Variants in POMT1 observed in about 807,000 individuals in gnomAD.
The protein encoded by POMT1 is protein O-mannosyltransferase 1.
POMT1 carries 85 observed loss-of-function variants against 101.6 expected under a neutral mutation model. The ratio of observed to expected loss-of-function variants is 0.84; its 90% confidence interval spans 0.70 to 1.00. POMT1 has a LOEUF of 1.00. POMT1 is among the 50% of genes least tolerant of loss of function. POMT1 has a pLI of 0.00. For missense variants in POMT1, 857 were observed against 930.4 expected (o/e 0.92, Z 1.03); for synonymous variants, 371 against 383.0 (o/e 0.97, Z 0.37).
At chr9:131,510,225 C>T (rs551265521) in intron 8 of POMT1, 35 bp from the exon 9 acceptor site, 1 of 1,614,074 alleles carries the variant, frequency 6.2e-7, no homozygotes, top group African/African-American at 1.3e-5. Context: ...CTTTTCCACG[C>T]AGTGGAACAT....
chr9:131,503,027 G>T lies in POMT1; in HGVS notation c.-77G>T, dbSNP rs1944895362. On this transcript the variant is annotated 5_prime_UTR_variant, in exon 1 of 20. Transcript: ENST00000402686. This position sits in a 1 kb window ranked among gnomAD's most constrained non-coding sequence, Gnocchi z 4.4. The stretch of plus-strand genomic sequence containing the variant: ...CGGCCCAGTCGGACGGTTCCGAGGC[G>T]TTGCCGGGAGCCGGGCGCGGCTCTG... The T allele has an allele frequency of 6.6e-6, 1 of 152,322 alleles. No homozygotes were observed. The allele number at this position is 152,322 out of a possible 1,614,324, so 9.4% of individuals were successfully genotyped here. A position where few individuals can be genotyped will look rare whatever the true frequency, so the allele number is the denominator to read the frequency against.
Position 131,522,237 on chromosome 9 carries a change from C to T in POMT1, c.2003+13C>T, listed in dbSNP as rs4740165. The T allele has an allele frequency of 0.92, 1,486,775 of 1,612,548 alleles. 689,255 individuals carry two copies. Among genetic ancestry groups the T allele is most frequent in the South Asian group, 0.96 (87,606 of 91,082 alleles). ...ACCACCTGTGCAGGTACGGGGGCTG[C>T]GGAGACAGTGGCTGGACCGGGCAGC... is the stretch of plus-strand genomic sequence containing the variant. On this transcript the variant is annotated intron_variant, in intron 19 of 19. Transcript: ENST00000402686. This position sits in a 1 kb window ranked among gnomAD's most constrained non-coding sequence, Gnocchi z 5.5.
At chr9:131,506,330 T>C in intron 3 of POMT1, 73 bp from the exon 4 acceptor site, 1 of 1,556,848 alleles carries the variant, frequency 6.4e-7, no homozygotes, top group Admixed American at 1.7e-5. Flanking sequence ...TGATGCATCT[T>C]GTTTATTGCT....
chr9:131,510,973 G>GAGA, intron 9 of POMT1: 1 of 281,266 alleles, frequency 3.6e-6, no homozygotes, highest in Non-Finnish European at 6.8e-6. Flanking sequence ...GCCTGCCGAC[G>GAGA]GCCAGTGCTG....
chr9:131,508,204 T>G (rs1488924139), intron 5 of POMT1, among the ~76,000 whole-genome samples: 1 of 150,238 alleles, frequency 6.7e-6, no homozygotes, highest in Non-Finnish European at 1.5e-5. Flanking sequence ...GCCACTGCAC[T>G]CCAGCCTGGG....
intron 13 of POMT1, 94 bp from the exon 14 acceptor site, chr9:131,518,351 C>T (rs779090819): frequency 1.9e-6 from 2 of 1,072,164 alleles, no homozygotes; most frequent in Non-Finnish European, 2.9e-6. Flanking sequence ...GTCTCAGGCT[C>T]AAGTCAGTAT....
At chr9:131,515,566 A>C (rs1948131445) in intron 13 of POMT1, 44 bp downstream of exon 13, 1 of 1,568,346 alleles carries the variant, frequency 6.4e-7, no homozygotes. Flanking sequence ...GTCAGTAATG[A>C]ACACTCCCTC....
At chr9:131,520,451 A>G (rs1013837570) in intron 17 of POMT1, among the ~76,000 whole-genome samples, 1 of 152,180 alleles carries the variant, frequency 6.6e-6, no homozygotes, top group Non-Finnish European at 1.5e-5. Context: ...TTCCTGGCGA[A>G]AGTGGTTTTA....
At chr9:131,504,401 C>A in intron 2 of POMT1, 61 bp downstream of exon 2, 1 of 1,612,866 alleles carries the variant, frequency 6.2e-7, no homozygotes, top group South Asian at 1.1e-5. Flanking sequence ...ACAGGAGGCG[C>A]CCTTACTGAA....
In POMT1 at chr9:131,519,527, ATT is replaced by A; in HGVS notation, c.1584+42_1584+43del. 1 of 1,537,836 alleles carries A rather than the reference ATT, an allele frequency of 6.5e-7. No individual in the cohort carries two copies. The highest frequency in any genetic ancestry group is 8.8e-7 in the Non-Finnish European group (1 of 1,140,238). ...GGGAAGCTGGCCTAGCTCGCTGAGC[ATT>A]GACTCCTCAGCAGGGAGGCCTGGGG... On this transcript the variant is annotated intron_variant, in intron 16 of 19. Coordinates refer to ENST00000402686, the MANE Select transcript of POMT1 (RefSeq NM_001077365.2). This position sits in a 1 kb window ranked among gnomAD's most constrained non-coding sequence, Gnocchi z 4.3.
chr9:131,518,021 A>G (rs1367823147), intron 13 of POMT1, among the ~76,000 whole-genome samples: 2 of 152,206 alleles, frequency 1.3e-5, no homozygotes, highest in Non-Finnish European at 2.9e-5. Flanking sequence ...TTATTACTCG[A>G]TGCGAGGAAA....
At position 131,519,267 on chromosome 9, in the gene POMT1, G is replaced by T; in HGVS notation, c.1487-122G>T. 1 of 1,025,290 alleles carries T rather than the reference G, an allele frequency of 9.8e-7. No homozygotes were observed. Among genetic ancestry groups the T allele is most frequent in the East Asian group, 2.6e-5 (1 of 38,560 alleles). The allele number at this position is 1,025,290 out of a possible 1,614,324, so 63.5% of individuals were successfully genotyped here. A position where few individuals can be genotyped will look rare whatever the true frequency, so the allele number is the denominator to read the frequency against. ...GGGGAAAGCTAAGTGGAATGATGCG[G>T]TTCGATAAGGGGTCTTTGTTAGAAA... is the stretch of plus-strand genomic sequence containing the variant. On this transcript the variant is annotated intron_variant, in intron 15 of 19. Coordinates refer to ENST00000402686, the MANE Select transcript of POMT1 (RefSeq NM_001077365.2). This position sits in a 1 kb window ranked among gnomAD's most constrained non-coding sequence, Gnocchi z 4.3.
intron 5 of POMT1, 60 bp from the exon 6 acceptor site, chr9:131,508,851 C>T (rs1461113734): frequency 8.2e-7 from 1 of 1,213,082 alleles, no homozygotes; most frequent in South Asian, 1.2e-5. Context: ...GAGTGTTTTT[C>T]ATCCTCATAC....
intron 18 of POMT1, 83 bp from the exon 19 acceptor site, chr9:131,521,964 C>A: frequency 1.3e-6 from 2 of 1,599,194 alleles, no homozygotes; most frequent in Non-Finnish European, 8.5e-7. Flanking sequence ...TAGTAAGAAC[C>A]CTCTCTCTAA....
chr9:131,514,975 G>A (rs1196046018), intron 12 of POMT1, among the ~76,000 whole-genome samples: 2 of 152,166 alleles, frequency 1.3e-5, no homozygotes, highest in Admixed American at 6.5e-5. Flanking sequence ...AAAGAAGTGG[G>A]TGTTCGTTAA....
intron 9 of POMT1, chr9:131,511,002 C>A: frequency 3.5e-6 from 1 of 287,306 alleles, no homozygotes; most frequent in Non-Finnish European, 6.6e-6. Context: ...TGTGTTTCAG[C>A]AAGTTGTTTG....
chr9:131,507,657 C>A, intron 5 of POMT1, 143 bp downstream of exon 5: 2 of 1,201,028 alleles, frequency 1.7e-6, no homozygotes, highest in South Asian at 1.3e-5. Flanking sequence ...AAGTCACCCG[C>A]TCCCAGGCTG....
At chr9:131,510,935 C>T (rs997088827) in intron 9 of POMT1, 1 of 287,212 alleles carries the variant, frequency 3.5e-6, no homozygotes, top group Admixed American at 4.9e-5. Context: ...TAGAGGTGGT[C>T]AGGACTGTGG....
At chr9:131,517,256 G>C (rs1330705740) in intron 13 of POMT1, among the ~76,000 whole-genome samples, 1 of 150,172 alleles carries the variant, frequency 6.7e-6, no homozygotes, top group Non-Finnish European at 1.5e-5. Flanking sequence ...TTTGCGACTG[G>C]GTCTCACTCT....
Sources: allele counts gnomAD v4.1 joint callset (sites outside exome capture counted in the v4.1 genomes callset), GRCh38; gene constraint gnomAD v4.1.1; non-coding constraint Gnocchi (gnomAD v3.1); transcripts MANE v1.5; gene names NCBI Gene and HGNC (gene_info 2026-07-23, HGNC 2026-07-21).